PTPRT: variants seen among roughly 807,000 people sequenced by gnomAD.
PTPRT encodes protein tyrosine phosphatase receptor type T, also known as receptor-type tyrosine-protein phosphatase T.
PTPRT carries 56 observed loss-of-function variants against 176.8 expected under a neutral mutation model. The observed-to-expected ratio is 0.32, with a 90% confidence interval of 0.26 to 0.40. PTPRT has a LOEUF of 0.40. Among genes scored for constraint, PTPRT ranks in the 10% least tolerant of loss-of-function variants. The pLI is 1.00. For missense variants in PTPRT, 1,540 were observed against 1,908.2 expected, an observed-to-expected ratio of 0.81 and a Z score of 3.60; for synonymous variants, 783 against 739.0, an observed-to-expected ratio of 1.06 and a Z score of -0.96.
chr20:42,577,949 G>A (rs574279036), intron 7 of PTPRT, among the ~76,000 whole-genome samples: 1 of 148,804 alleles, frequency 6.7e-6, no homozygotes, highest in African/African-American at 2.5e-5. Context: ...GTGTGTGTGT[G>A]TGTGTGTGTG....
At chr20:42,124,201 C>T (rs759285754) in intron 19 of PTPRT, among the ~76,000 whole-genome samples, 18 of 152,198 alleles carry the variant, frequency 1.2e-4, no homozygotes, top group Middle Eastern at 3.2e-3. Context: ...TCGCCAAGAG[C>T]GAGTACAGAA....
intron 9 of PTPRT, among the ~76,000 whole-genome samples, chr20:42,395,951 C>T (rs956809836): frequency 2.0e-5 from 3 of 152,148 alleles, no homozygotes; most frequent in Non-Finnish European, 4.4e-5. Flanking sequence ...GAGACCCTTT[C>T]ACCTCCTCCA....
At chr20:42,795,196 A>C (rs1413886481) in intron 2 of PTPRT, among the ~76,000 whole-genome samples, 1 of 150,362 alleles carries the variant, frequency 6.7e-6, no homozygotes, top group Non-Finnish European at 1.5e-5. Context: ...AAAAAAAAAA[A>C]TCTACTAACG....
chr20:42,724,881 A>G lies in PTPRT; in HGVS notation c.859+31581T>C, dbSNP rs192425399. Among the ~76,000 whole-genome samples, 1,369 of 151,862 alleles carry G rather than the reference A, an allele frequency of 9.0e-3. 4 individuals carry two copies. Among genetic ancestry groups the G allele is most frequent in the Non-Finnish European group, 0.013 (895 of 67,860 alleles). On this transcript the variant is annotated intron_variant, in intron 6 of 30. Transcript: ENST00000373187. ...CCTCTTTTATACCCCTTGTGATTAC[A>G]GTGGGCCCAGATAAATCAGTATAAT... is the stretch of plus-strand genomic sequence containing the variant.
chr20:43,160,398 C>T (rs141055523), intron 1 of PTPRT, among the ~76,000 whole-genome samples: 1 of 152,204 alleles, frequency 6.6e-6, no homozygotes, highest in African/African-American at 2.4e-5. Context: ...CATCTTGCTG[C>T]ATCCAAAGAG....
At chr20:42,685,149 G>A (rs1445416917) in intron 6 of PTPRT, among the ~76,000 whole-genome samples, 1 of 152,180 alleles carries the variant, frequency 6.6e-6, no homozygotes, top group East Asian at 1.9e-4. Flanking sequence ...GTCTTAAGGG[G>A]GATGTTTCCA....
At position 43,135,408 on chromosome 20, in the gene PTPRT, T is replaced by C. The variant is rs373161153; in HGVS notation, c.88+54238A>G. 5.8e-4 allele frequency among the ~76,000 whole-genome samples: 88 copies of C among 152,322 alleles called. 2 individuals carry two copies. In the East Asian group the frequency reaches 0.016, roughly 27 times the overall value. On this transcript the variant is annotated intron_variant, in intron 1 of 30. Coordinates refer to ENST00000373187, the MANE Select transcript of PTPRT (RefSeq NM_007050.6). Reference sequence around the variant, plus strand: ...AAAAAGGAACAGATCATGCAATATGTACGCGGTGACCCCGTTTGGATATAA... The same window carrying C: ...AAAAAGGAACAGATCATGCAATATGCACGCGGTGACCCCGTTTGGATATAA...
chr20:42,433,960 C>A (rs929320776), intron 9 of PTPRT, among the ~76,000 whole-genome samples: 2 of 151,948 alleles, frequency 1.3e-5, no homozygotes, highest in African/African-American at 4.8e-5. Context: ...CAACACATCC[C>A]GAATAAAGTG....
At chr20:42,711,377 C>T (rs1327710290) in intron 6 of PTPRT, among the ~76,000 whole-genome samples, 1 of 150,876 alleles carries the variant, frequency 6.6e-6, no homozygotes, top group African/African-American at 2.5e-5. Flanking sequence ...TCATGGGGGG[C>T]AGATCCCTCA....
intron 8 of PTPRT, among the ~76,000 whole-genome samples, chr20:42,452,192 C>T (rs2070842899): frequency 6.6e-6 from 1 of 151,626 alleles, no homozygotes; most frequent in Non-Finnish European, 1.5e-5. Context: ...TTGCTTGAAC[C>T]CAGGAGGTGG....
At chr20:42,322,954 T>G (rs1413566936) in intron 11 of PTPRT, among the ~76,000 whole-genome samples, 1 of 151,902 alleles carries the variant, frequency 6.6e-6, no homozygotes, top group Non-Finnish European at 1.5e-5. Flanking sequence ...GCGAAGGACA[T>G]GAACAGACAC....
chr20:42,089,925 C>G (rs559688736), intron 27 of PTPRT, among the ~76,000 whole-genome samples: 1 of 152,268 alleles, frequency 6.6e-6, no homozygotes, highest in Admixed American at 6.5e-5. Context: ...CAAGACTGTC[C>G]TGGTGTTCAA....
intron 1 of PTPRT, among the ~76,000 whole-genome samples, chr20:43,047,989 C>T (rs954365260): frequency 1.3e-5 from 2 of 152,138 alleles, no homozygotes; most frequent in Non-Finnish European, 2.9e-5. Flanking sequence ...TACAGCCGTG[C>T]CTCAAGGATC....
intron 7 of PTPRT, among the ~76,000 whole-genome samples, chr20:42,483,383 C>T (rs760086263): frequency 5.1e-4 from 78 of 152,256 alleles, no homozygotes; most frequent in Non-Finnish European, 5.1e-4. Context: ...AGGCTGGTCT[C>T]GAACTCCTGA....
At chr20:42,055,366 T>A in the PTPRT span, among the ~76,000 whole-genome samples, 1 of 152,364 alleles carries the variant, frequency 6.6e-6, no homozygotes, top group South Asian at 2.1e-4. Flanking sequence ...TGACTTAATC[T>A]TTTGCTGACT....
At chr20:42,615,025 T>C (rs555639543) in intron 7 of PTPRT, among the ~76,000 whole-genome samples, 10 of 142,018 alleles carry the variant, frequency 7.0e-5, no homozygotes, top group African/African-American at 1.1e-4. Flanking sequence ...CATGCTGGTG[T>C]GCTGCACCCA....
At chr20:42,033,044 C>T in the PTPRT span, among the ~76,000 whole-genome samples, 1 of 152,166 alleles carries the variant, frequency 6.6e-6, no homozygotes, top group Admixed American at 6.5e-5. Context: ...AGATCCCTGA[C>T]CCACTAGACT....
the PTPRT span, among the ~76,000 whole-genome samples, chr20:42,060,308 T>A: frequency 6.6e-6 from 1 of 152,186 alleles, no homozygotes; most frequent in East Asian, 1.9e-4. Context: ...AAACTTGACC[T>A]TCACAGATCC....
rs529449458 is a variant in PTPRT, at chr20:42,996,483, A to G, written c.89-110551T>C. On this transcript the variant is annotated intron_variant, in intron 1 of 30. Transcript: ENST00000373187. ...TGATTGCTTCCTTCCAGACTGGCAC[A>G]AAAATGAAAAGCTAGCTCTCCTTGA... is the stretch of plus-strand genomic sequence containing the variant. 5.9e-5 allele frequency among the ~76,000 whole-genome samples: 9 copies of G among 152,340 alleles called. No individual in the cohort carries two copies. In the South Asian group the frequency reaches 1.9e-3, roughly 32 times the overall value.
Sources: allele counts gnomAD v4.1 joint callset (sites outside exome capture counted in the v4.1 genomes callset), GRCh38; gene constraint gnomAD v4.1.1; transcripts MANE v1.5; gene names NCBI Gene and HGNC (gene_info 2026-07-23, HGNC 2026-07-21).